WDR49: variants seen among roughly 807,000 people sequenced by gnomAD.
WDR49 encodes the protein cilia- and flagella-associated protein 337.
In WDR49, 107 loss-of-function variants were observed where a neutral mutation model predicts 119.5. The observed-to-expected ratio is 0.90, with a 90% CI of 0.77 to 1.05. WDR49 has a LOEUF of 1.05. WDR49 is among the 50% of genes least tolerant of loss of function. The probability of loss-of-function intolerance (pLI) is 0.00; values close to 1 mark genes in which losing one functional copy is unlikely to be tolerated. For missense variants in WDR49, 1,240 were observed against 1,220.5 expected, an observed-to-expected ratio of 1.02 and a Z score of -0.24; for synonymous variants, 425 against 418.8, an observed-to-expected ratio of 1.01 and a Z score of -0.18.
At chr3:167,609,687 C>T (rs1283068919) in intron 5 of WDR49, among the ~76,000 whole-genome samples, 1 of 152,170 alleles carries the variant, frequency 6.6e-6, no homozygotes. Context: ...TGAGGGGGCA[C>T]ACGACATACT....
chr3:167,571,238 G>C (rs749840534), intron 8 of WDR49, among the ~76,000 whole-genome samples: 1 of 152,028 alleles, frequency 6.6e-6, no homozygotes, highest in African/African-American at 2.4e-5. Flanking sequence ...TGCAAAGCCA[G>C]CATGCTTCTG....
intron 7 of WDR49, among the ~76,000 whole-genome samples, chr3:167,600,980 G>A (rs1715742582): frequency 6.6e-6 from 1 of 152,128 alleles, no homozygotes; most frequent in South Asian, 2.1e-4. Context: ...AGAGGGCAGA[G>A]ATGAAAGACT....
At chr3:167,603,809 G>T (rs987373464) in intron 6 of WDR49, among the ~76,000 whole-genome samples, 35 of 152,064 alleles carry the variant, frequency 2.3e-4, no homozygotes, top group African/African-American at 7.5e-4. Context: ...CGCATAATCT[G>T]AACATTTTCA....
chr3:167,580,451 A>G (rs1436811965), intron 7 of WDR49, among the ~76,000 whole-genome samples: 1 of 152,124 alleles, frequency 6.6e-6, no homozygotes, highest in Non-Finnish European at 1.5e-5. Flanking sequence ...CCTTTCCCAG[A>G]CCGATTAAAT....
intron 2 of WDR49, among the ~76,000 whole-genome samples, chr3:167,630,035 G>A (rs775266401): frequency 1.3e-5 from 2 of 152,144 alleles, no homozygotes. Flanking sequence ...GCAGTGGCAA[G>A]TTTTGAGAGT....
intron 5 of WDR49, among the ~76,000 whole-genome samples, chr3:167,618,930 C>T (rs537092456): frequency 6.6e-6 from 1 of 152,048 alleles, no homozygotes; most frequent in Non-Finnish European, 1.5e-5. Context: ...TTTTTGGGAC[C>T]CTTAAATAAA....
At chr3:167,599,135 T>C (rs1715639792) in intron 7 of WDR49, among the ~76,000 whole-genome samples, 1 of 152,134 alleles carries the variant, frequency 6.6e-6, no homozygotes, top group Non-Finnish European at 1.5e-5. Context: ...GGTCAGCATG[T>C]GGTTAAGCAG....
At chr3:167,636,455 G>A (rs577324800) in intron 2 of WDR49, among the ~76,000 whole-genome samples, 176 of 149,224 alleles carry the variant, frequency 1.2e-3, no homozygotes, top group African/African-American at 4.1e-3. Context: ...TGCTATAAAC[G>A]TGTGGGCAAT....
At chr3:167,563,341 G>A (rs1277398222) in intron 8 of WDR49, among the ~76,000 whole-genome samples, 2 of 124,920 alleles carry the variant, frequency 1.6e-5, no homozygotes, top group Non-Finnish European at 3.2e-5. Flanking sequence ...GCTACAGAGC[G>A]AGATTCTGAA....
chr3:167,562,678 A>C (rs1713337800), intron 8 of WDR49, among the ~76,000 whole-genome samples: 1 of 152,212 alleles, frequency 6.6e-6, no homozygotes, highest in Admixed American at 6.5e-5. Context: ...TGCACTATAC[A>C]TGGTTGTTAG....
chr3:167,479,903 G>A (rs140096655), intron 18 of WDR49, among the ~76,000 whole-genome samples: 191 of 152,112 alleles, frequency 1.3e-3, no homozygotes, highest in African/African-American at 4.5e-3. Flanking sequence ...GGTTGGATAG[G>A]AAGTGTCAAC....
chr3:167,563,397 A>ATT (rs945351780), intron 8 of WDR49, among the ~76,000 whole-genome samples: 1 of 149,998 alleles, frequency 6.7e-6, no homozygotes, highest in African/African-American at 2.4e-5. Context: ...CTGATTTTAG[A>ATT]TGCACATTGA....
At chr3:167,488,579 C>G (rs960369404) in intron 18 of WDR49, among the ~76,000 whole-genome samples, 2 of 151,980 alleles carry the variant, frequency 1.3e-5, no homozygotes, top group African/African-American at 4.8e-5. Context: ...TTAAAGCACC[C>G]TCAAGTTCCC....
At chr3:167,582,093 A>AGTAGT (rs1405123349) in intron 7 of WDR49, among the ~76,000 whole-genome samples, 1 of 150,792 alleles carries the variant, frequency 6.6e-6, no homozygotes, top group African/African-American at 2.5e-5. Context: ...TTTTGAGTAC[A>AGTAGT]GTAGTGCAGC....
At chr3:167,541,230 A>C (rs1396878296) in intron 10 of WDR49, among the ~76,000 whole-genome samples, 1 of 152,174 alleles carries the variant, frequency 6.6e-6, no homozygotes, top group Non-Finnish European at 1.5e-5. Context: ...CAAAAAGATC[A>C]TCGCCCAGGC....
At chr3:167,535,331 A>G (rs1047314434) in intron 11 of WDR49, among the ~76,000 whole-genome samples, 9 of 152,204 alleles carry the variant, frequency 5.9e-5, no homozygotes. Flanking sequence ...AGATAGTTGC[A>G]AACTTTACAT....
At chr3:167,527,025 A>T (rs1752661151) in intron 15 of WDR49, among the ~76,000 whole-genome samples, 1 of 152,212 alleles carries the variant, frequency 6.6e-6, no homozygotes, top group Admixed American at 6.5e-5. Flanking sequence ...AAAGGAAAAA[A>T]TAACAGAAAA....
chr3:167,636,615 G>GCCACCTT (rs2108335856), intron 2 of WDR49, among the ~76,000 whole-genome samples: 2 of 151,886 alleles, frequency 1.3e-5, no homozygotes, highest in South Asian at 4.2e-4. Context: ...CACCAGCAAT[G>GCCACCTT]TAGAAGGGTC....
intron 17 of WDR49, among the ~76,000 whole-genome samples, chr3:167,501,577 T>G (rs1751569903): frequency 6.6e-6 from 1 of 152,116 alleles, no homozygotes; most frequent in Admixed American, 6.5e-5. Flanking sequence ...TCATCAGAAA[T>G]TTAAAAATCA....
Sources: gnomAD v4.1 joint callset for allele counts (sites outside exome capture counted in the v4.1 genomes callset) on GRCh38, gnomAD v4.1.1 for gene constraint, MANE v1.5 for transcripts, NCBI Gene and HGNC (gene_info 2026-07-23, HGNC 2026-07-21) for gene names.